Variants in NDUFA11 observed in about 807,000 individuals in gnomAD.
NDUFA11 encodes NADH dehydrogenase [ubiquinone] 1 alpha subcomplex subunit 11.
NDUFA11 carries 14 observed loss-of-function variants against 11.3 expected under a neutral mutation model. The observed-to-expected ratio is 1.24, with a 90% confidence interval of 0.82 to 1.94. The LOEUF (loss-of-function observed/expected upper bound fraction) is 1.94. Among genes scored for constraint, NDUFA11 ranks in the 30% most tolerant of loss-of-function variants. The pLI, the probability that NDUFA11 is intolerant of heterozygous loss-of-function variation, is 0.00. For synonymous variants in NDUFA11, 87 were observed against 85.6 expected, an observed-to-expected ratio of 1.02 and a Z score of -0.09; for missense variants, 204 against 200.3, an observed-to-expected ratio of 1.02 and a Z score of -0.11.
chr19:5,897,913 C>T (rs1296143522), intron 1 of NDUFA11, among the ~76,000 whole-genome samples: 9 of 152,070 alleles, frequency 5.9e-5, no homozygotes, highest in East Asian at 1.9e-4. Flanking sequence ...TGAGCCAGCC[C>T]GAGCCGGGGC....
chr19:5,899,451 CTTTTTTTTTTT>C (rs71172780), intron 1 of NDUFA11, among the ~76,000 whole-genome samples: 3 of 68,836 alleles, frequency 4.4e-5, no homozygotes, highest in South Asian at 6.0e-4. Flanking sequence ...CGCCCGGACT[CTTTTTTTTTTT>C]TTTTTTTTTT....
At position 5,896,044 on chromosome 19, in the gene NDUFA11, G is replaced by T; in HGVS notation, c.313+409C>A. On this transcript the variant is annotated intron_variant, in intron 3 of 3. Coordinates refer to ENST00000308961, the MANE Select transcript of NDUFA11 (RefSeq NM_175614.5). The surrounding 1 kb of genome is among the most constrained non-coding windows in gnomAD (Gnocchi z 5.8). ...GTGACCTTGGTGACCTGTGTCCTCT[G>T]ACAAGGCACACAGAAGGAAGGCGGC... 2.8e-6 allele frequency: 1 copy of T among 363,486 alleles called. No individual in the cohort carries two copies. Among genetic ancestry groups the T allele is most frequent in the Non-Finnish European group, 5.0e-6 (1 of 199,516 alleles). 22.5% of individuals were successfully genotyped at this position (363,486 alleles called of 1,614,324 possible). A position where few individuals can be genotyped will look rare whatever the true frequency, so the allele number is the denominator to read the frequency against.
chr19:5,896,152 G>A lies in NDUFA11; in HGVS notation c.313+301C>T. On this transcript the variant is annotated intron_variant, in intron 3 of 3. Coordinates refer to ENST00000308961, the MANE Select transcript of NDUFA11 (RefSeq NM_175614.5). The surrounding 1 kb of genome is among the most constrained non-coding windows in gnomAD (Gnocchi z 5.8). ...GGAACAGCATTCCACGCAGTGCACT[G>A]CCCATGCAAAGGCCCTGGGGCAGGA... The A allele has an allele frequency of 3.4e-6, 2 of 587,318 alleles. No homozygotes were observed. Among genetic ancestry groups the A allele is most frequent in the Non-Finnish European group, 6.0e-6 (2 of 331,176 alleles). 36.4% of individuals were successfully genotyped at this position (587,318 alleles called of 1,614,324 possible).
chr19:5,892,613 C>T (rs974380889), downstream of NDUFA11: 15 of 282,088 alleles, frequency 5.3e-5, no homozygotes, highest in Non-Finnish European at 8.1e-5. Flanking sequence ...GCCTGGAGTG[C>T]GGAGGAAGGG....
intron 1 of NDUFA11, among the ~76,000 whole-genome samples, chr19:5,898,470 GA>G (rs2057624089): frequency 6.6e-6 from 1 of 152,198 alleles, no homozygotes; most frequent in Admixed American, 6.5e-5. Flanking sequence ...CACAGATGGG[GA>G]AACTGAGACC....
chr19:5,896,443 G>GGCC lies in NDUFA11; in HGVS notation c.313+7_313+9dup. On this transcript the variant is annotated intron_variant, in intron 3 of 3. Coordinates refer to ENST00000308961, the MANE Select transcript of NDUFA11 (RefSeq NM_175614.5). This position sits in a 1 kb window ranked among gnomAD's most constrained non-coding sequence, Gnocchi z 5.8. ...GGGAGGAGGGTGGGGGTGGGGAGGGGGCCACTCACTGCGTGCTCCCAGAGT... is the reference window on the plus strand; with the variant it reads ...GGGAGGAGGGTGGGGGTGGGGAGGGGGCCGCCACTCACTGCGTGCTCCCAGAGT... 1 of 1,017,116 alleles carries GGCC rather than the reference G, an allele frequency of 9.8e-7. No homozygotes were observed. Among genetic ancestry groups the GGCC allele is most frequent in the South Asian group, 1.3e-5 (1 of 74,532 alleles). 63.0% of individuals were successfully genotyped at this position (1,017,116 alleles called of 1,614,324 possible).
At chr19:5,899,226 T>G (rs1452611031) in intron 1 of NDUFA11, among the ~76,000 whole-genome samples, 1 of 150,616 alleles carries the variant, frequency 6.6e-6, no homozygotes, top group Non-Finnish European at 1.5e-5. Flanking sequence ...CTCGGCTCAC[T>G]GCAAGCCCCG....
At position 5,894,784 on chromosome 19, in the gene NDUFA11, G is replaced by A. The variant is rs2057597139; in HGVS notation, c.384C>T (p.Gly128=). The A allele has an allele frequency of 6.8e-6, 11 of 1,613,650 alleles. No homozygotes were observed. Among genetic ancestry groups the A allele is most frequent in the Non-Finnish European group, 9.3e-6 (11 of 1,179,850 alleles). ...FGIAASLVKM[G]RLEGWEVFAK... ...CAAACACCTCCCAGCCCTCCAGCCG[G>A]CCCATCTTGACCAGGGAGGCCGCTA... is the stretch of plus-strand genomic sequence containing the variant. Residue 128 remains glycine, a synonymous_variant, in exon 4 of 4, where the codon GGC becomes GGT. Transcript: ENST00000308961.
chr19:5,901,259 C>T (rs762152016), intron 1 of NDUFA11: 98 of 1,205,964 alleles, frequency 8.1e-5, no homozygotes, highest in African/African-American at 1.4e-4. Flanking sequence ...CCAACATACG[C>T]GTCTTTCTCA....
At chr19:5,900,503 T>C (rs1222462925) in intron 1 of NDUFA11, among the ~76,000 whole-genome samples, 1 of 152,160 alleles carries the variant, frequency 6.6e-6, no homozygotes, top group Non-Finnish European at 1.5e-5. Flanking sequence ...AGGAAACAAT[T>C]TATCTCCCTC....
At chr19:5,892,951 A>G, downstream of NDUFA11, 14 of 1,468,460 alleles carry the variant, frequency 9.5e-6, no homozygotes, top group Non-Finnish European at 1.3e-5. Flanking sequence ...AGTGTTTAAC[A>G]ATGACTCTAT....
downstream of NDUFA11, chr19:5,892,971 G>C (rs1228448432): frequency 6.6e-7 from 1 of 1,508,258 alleles, no homozygotes; most frequent in African/African-American, 1.4e-5. Context: ...TTAGGGCTTG[G>C]ACAGGTGTCA....
chr19:5,900,192 G>C (rs2057635989), intron 1 of NDUFA11, among the ~76,000 whole-genome samples: 2 of 152,016 alleles, frequency 1.3e-5, no homozygotes, highest in Admixed American at 1.3e-4. Context: ...CCCTTCAAAA[G>C]GCCCCCTTCC....
intron 1 of NDUFA11, among the ~76,000 whole-genome samples, chr19:5,901,764 G>C (rs1390489648): frequency 6.6e-6 from 1 of 151,486 alleles, no homozygotes; most frequent in Admixed American, 6.6e-5. Context: ...CCGCCTCCCA[G>C]GTTCACGCCA....
At chr19:5,897,130 T>C (rs922886639) in intron 1 of NDUFA11, 133 bp from the exon 2 acceptor site, 27 of 762,172 alleles carry the variant, frequency 3.5e-5, no homozygotes, top group Non-Finnish European at 5.3e-5. Flanking sequence ...TGTCCCCGGC[T>C]GCTGAGTGGC....
chr19:5,894,607 T>C, downstream of NDUFA11: 1 of 1,524,934 alleles, frequency 6.6e-7, no homozygotes, highest in African/African-American at 1.4e-5. Flanking sequence ...TCTCCCTTCC[T>C]CACTCCCTCC....
At chr19:5,901,673 T>A (rs1453745023) in intron 1 of NDUFA11, among the ~76,000 whole-genome samples, 1 of 151,848 alleles carries the variant, frequency 6.6e-6, no homozygotes, top group Non-Finnish European at 1.5e-5. Context: ...TGGGTTTTTT[T>A]TTTTTTTTCT....
At chr19:5,892,172 T>C (rs2057581870), downstream of NDUFA11, 2 of 152,018 alleles carry the variant, frequency 1.3e-5, no homozygotes, top group South Asian at 4.2e-4. Flanking sequence ...ATGGGCTGGG[T>C]GGGCGGCGAG....
intron 1 of NDUFA11, among the ~76,000 whole-genome samples, chr19:5,899,507 T>C (rs2057632118): frequency 7.5e-6 from 1 of 132,552 alleles, no homozygotes; most frequent in South Asian, 2.4e-4. Flanking sequence ...CAGGCTAGAG[T>C]GCAGTGGTGC....
Sources: allele counts gnomAD v4.1 joint callset (sites outside exome capture counted in the v4.1 genomes callset), GRCh38; gene constraint gnomAD v4.1.1; non-coding constraint Gnocchi (gnomAD v3.1); transcripts MANE v1.5; gene names NCBI Gene and HGNC (gene_info 2026-07-23, HGNC 2026-07-21).